CEP128: variants seen among roughly 807,000 people sequenced by gnomAD.
The protein encoded by CEP128 is centrosomal protein 128kDa.
In CEP128, 132 loss-of-function variants were observed where a neutral mutation model predicts 156.7. That is an observed-to-expected ratio of 0.84 (90% confidence interval 0.73 to 0.97). The LOEUF (loss-of-function observed/expected upper bound fraction) is 0.97, where lower values mean the gene tolerates loss of function less well. Ranked by LOEUF, CEP128 falls within the 50% of genes least tolerant of loss-of-function variation. The pLI is 0.00. For synonymous variants in CEP128, 469 were observed against 448.9 expected, an observed-to-expected ratio of 1.04 and a Z score of -0.57; for missense variants, 1,252 against 1,281.9, an observed-to-expected ratio of 0.98 and a Z score of 0.36.
chr14:80,691,900 A>C (rs549136723), intron 19 of CEP128, among the ~76,000 whole-genome samples: 2 of 152,372 alleles, frequency 1.3e-5, no homozygotes, highest in South Asian at 4.1e-4. Flanking sequence ...GAATCAGGGA[A>C]TATCATCCAA....
rs777361854 is a variant in CEP128 at position 80,838,278 on chromosome 14, G to A, written c.850C>T (p.Leu284Phe). The A allele has an allele frequency of 3.7e-6, 6 of 1,610,456 alleles. No homozygotes were observed. The highest frequency in any genetic ancestry group is 1.7e-4 in the Middle Eastern group (1 of 6,038). Residue 284 changes from leucine (L) to phenylalanine (F), a missense_variant and splice_region_variant, in exon 11 of 25, where the codon CTT becomes TTT. Coordinates refer to ENST00000555265, the MANE Select transcript of CEP128 (RefSeq NM_152446.5). ...CGAGATAGCTCCAATTCCTGTTCAAGCTAGAGTTTCAACAAAGGATAAAGA... is the reference window on the plus strand; with the variant it reads ...CGAGATAGCTCCAATTCCTGTTCAAACTAGAGTTTCAACAAAGGATAAAGA... ...LRQTETEKNQ[L>F]EQELELSRRL... is the part of the protein sequence containing the mutation.
intron 19 of CEP128, among the ~76,000 whole-genome samples, chr14:80,635,157 T>G (rs528692671): frequency 6.6e-6 from 1 of 152,336 alleles, no homozygotes; most frequent in South Asian, 2.1e-4. Context: ...ATAGAAATGT[T>G]TCTGGCTTTA....
chr14:80,794,112 G>T (rs2139849635), intron 13 of CEP128, among the ~76,000 whole-genome samples: 1 of 152,238 alleles, frequency 6.6e-6, no homozygotes, highest in South Asian at 2.1e-4. Flanking sequence ...ATAAGAATGG[G>T]TTCCAGGGGT....
chr14:80,617,845 T>G (rs781180313), intron 19 of CEP128, among the ~76,000 whole-genome samples: 11 of 152,192 alleles, frequency 7.2e-5, no homozygotes, highest in Non-Finnish European at 1.0e-4. Context: ...TGTTTTCCTT[T>G]TCTAAAAGTA....
intron 10 of CEP128, among the ~76,000 whole-genome samples, chr14:80,840,469 G>T (rs1886296463): frequency 6.6e-6 from 1 of 152,134 alleles, no homozygotes; most frequent in Non-Finnish European, 1.5e-5. Flanking sequence ...AAGGAGAATG[G>T]TCATAGATGA....
chr14:80,788,947 G>A (rs1240126517), intron 14 of CEP128, among the ~76,000 whole-genome samples: 1 of 152,126 alleles, frequency 6.6e-6, no homozygotes, highest in Non-Finnish European at 1.5e-5. Flanking sequence ...CCAGCTCTCT[G>A]CAATTTTGTA....
intron 19 of CEP128, among the ~76,000 whole-genome samples, chr14:80,721,308 A>G (rs2139461296): frequency 6.6e-6 from 1 of 152,270 alleles, no homozygotes; most frequent in East Asian, 1.9e-4. Flanking sequence ...CTCTTATAAA[A>G]AGAATAAGAC....
chr14:80,619,707 TA>T (rs200840072), intron 19 of CEP128, among the ~76,000 whole-genome samples: 5,861 of 99,298 alleles, frequency 0.059, 178 homozygotes, highest in Admixed American at 0.13. Flanking sequence ...TGTCTCAAGT[TA>T]AAAAAAAAAA....
At chr14:80,510,228 C>T (rs1594929125) in intron 23 of CEP128, among the ~76,000 whole-genome samples, 1 of 152,032 alleles carries the variant, frequency 6.6e-6, no homozygotes, top group South Asian at 2.1e-4. Context: ...GACATTTTAA[C>T]AATATTCTTA....
chr14:80,685,599 A>G (rs1896493687), intron 19 of CEP128, among the ~76,000 whole-genome samples: 1 of 151,962 alleles, frequency 6.6e-6, no homozygotes, highest in African/African-American at 2.4e-5. Flanking sequence ...AAAATTAAAT[A>G]TAAAAAAAAT....
At chr14:80,564,690 C>T (rs1335217594) in intron 20 of CEP128, among the ~76,000 whole-genome samples, 2 of 152,150 alleles carry the variant, frequency 1.3e-5, no homozygotes, top group Admixed American at 6.5e-5. Flanking sequence ...AATTGATAAC[C>T]GCCCTTTCCC....
chr14:80,757,307 T>C (rs1283710673), intron 17 of CEP128, among the ~76,000 whole-genome samples: 1 of 152,212 alleles, frequency 6.6e-6, no homozygotes, highest in African/African-American at 2.4e-5. Flanking sequence ...CTCAGTCGTG[T>C]TCTACATAAT....
intron 2 of CEP128, among the ~76,000 whole-genome samples, chr14:80,933,439 G>GAT (rs1369310401): frequency 2.6e-5 from 4 of 152,282 alleles, no homozygotes; most frequent in African/African-American, 9.6e-5. Flanking sequence ...TCCTTTTACA[G>GAT]ATAATCCCCT....
At chr14:80,827,491 G>T (rs1361351502) in intron 13 of CEP128, among the ~76,000 whole-genome samples, 1 of 152,136 alleles carries the variant, frequency 6.6e-6, no homozygotes, top group African/African-American at 2.4e-5. Context: ...CATATCAAAA[G>T]AAAAATTAAA....
chr14:80,665,841 TA>T lies in CEP128; in HGVS notation c.2806+77233del, dbSNP rs539122300. Reference sequence around the variant, plus strand: ...ATGACAGTTGTGAAATGAAATAAGTTAAAAAAAAATACAGCTACACCAGCAC... The same window carrying T: ...ATGACAGTTGTGAAATGAAATAAGTTAAAAAAAATACAGCTACACCAGCAC... On this transcript the variant is annotated intron_variant, in intron 19 of 24. Transcript: ENST00000555265. Among the ~76,000 whole-genome samples the T allele has an allele frequency of 5.9e-3, 886 of 150,816 alleles. 5 individuals are homozygous for T. Among genetic ancestry groups the T allele is most frequent in the African/African-American group, 0.02 (842 of 41,128 alleles).
At chr14:80,631,211 C>T (rs1197833086) in intron 19 of CEP128, among the ~76,000 whole-genome samples, 1 of 152,000 alleles carries the variant, frequency 6.6e-6, no homozygotes, top group African/African-American at 2.4e-5. Flanking sequence ...TAAGTAGAGT[C>T]TTTAGCCCAG....
At chr14:80,661,264 C>G (rs1895391343) in intron 19 of CEP128, among the ~76,000 whole-genome samples, 1 of 152,106 alleles carries the variant, frequency 6.6e-6, no homozygotes, top group African/African-American at 2.4e-5. Flanking sequence ...TCAACAATGC[C>G]ATGGCATTAT....
At chr14:80,909,173 T>G (rs1323730475) in intron 4 of CEP128, among the ~76,000 whole-genome samples, 1 of 152,170 alleles carries the variant, frequency 6.6e-6, no homozygotes, top group Non-Finnish European at 1.5e-5. Context: ...CCTCACTGCC[T>G]TAGTAGTTCT....
chr14:80,954,738 T>C (rs1191430171), intron 2 of CEP128, among the ~76,000 whole-genome samples: 2 of 152,272 alleles, frequency 1.3e-5, no homozygotes, highest in Non-Finnish European at 2.9e-5. Context: ...TTTATGTTTG[T>C]AATGATCTTT....
Sources: gnomAD v4.1 joint callset for allele counts (sites outside exome capture counted in the v4.1 genomes callset) on GRCh38, gnomAD v4.1.1 for gene constraint, MANE v1.5 for transcripts, NCBI Gene and HGNC (gene_info 2026-07-23, HGNC 2026-07-21) for gene names.